RARB: variants seen among roughly 807,000 people sequenced by gnomAD.
The protein encoded by RARB is HBV-activated protein.
A neutral mutation model predicts 51.9 loss-of-function variants in RARB; 17 were observed. The ratio of observed to expected loss-of-function variants is 0.33; its 90% CI spans 0.22 to 0.49. The LOEUF is 0.49. Among genes scored for constraint, RARB ranks in the 20% least tolerant of loss-of-function variants. The probability of loss-of-function intolerance (pLI) is 0.99; values close to 1 mark genes in which losing one functional copy is unlikely to be tolerated. For missense variants in RARB, 369 were observed against 550.8 expected (o/e 0.67, Z 3.30); for synonymous variants, 215 against 195.4 (o/e 1.10, Z -0.84).
At chr3:25,003,000 A>G (rs578066157) in intron 2 of RARB, among the ~76,000 whole-genome samples, 2 of 152,238 alleles carry the variant, frequency 1.3e-5, no homozygotes, top group African/African-American at 2.4e-5. Flanking sequence ...GCCATGTAAA[A>G]TTATTTGAAG....
intron 4 of RARB, among the ~76,000 whole-genome samples, chr3:25,169,512 T>A (rs981561921): frequency 7.9e-5 from 12 of 152,200 alleles, no homozygotes; most frequent in Non-Finnish European, 1.8e-4. Flanking sequence ...AAACTATAAA[T>A]GCAGTATATC....
intron 2 of RARB, among the ~76,000 whole-genome samples, chr3:25,464,666 T>A (rs1415205494): frequency 6.6e-6 from 1 of 152,048 alleles, no homozygotes; most frequent in Non-Finnish European, 1.5e-5. Context: ...TTTAAAAAAA[T>A]TAAATATAAT....
chr3:25,331,519 T>G (rs1036601596), intron 5 of RARB, among the ~76,000 whole-genome samples: 1 of 152,174 alleles, frequency 6.6e-6, no homozygotes, highest in East Asian at 1.9e-4. Context: ...GGGACACATG[T>G]AAAGCAGTGT....
intron 3 of RARB, among the ~76,000 whole-genome samples, chr3:25,121,010 CAT>C (rs1187428931): frequency 2.0e-5 from 3 of 152,156 alleles, no homozygotes; most frequent in Non-Finnish European, 4.4e-5. Flanking sequence ...TTTAAATAAA[CAT>C]AACCCCAAAC....
intron 2 of RARB, among the ~76,000 whole-genome samples, chr3:25,009,190 A>G (rs1225428310): frequency 6.6e-6 from 1 of 152,118 alleles, no homozygotes; most frequent in Non-Finnish European, 1.5e-5. Flanking sequence ...ACCAGAAAAT[A>G]GTATCTCCCA....
intron 3 of RARB, among the ~76,000 whole-genome samples, chr3:25,568,684 A>T (rs761935770): frequency 6.6e-6 from 1 of 152,168 alleles, no homozygotes; most frequent in Non-Finnish European, 1.5e-5. Flanking sequence ...CTCAGGCCAG[A>T]TCCTCTTAGG....
chr3:25,386,543 A>T (rs996398623), intron 5 of RARB, among the ~76,000 whole-genome samples: 3 of 152,250 alleles, frequency 2.0e-5, no homozygotes, highest in African/African-American at 7.2e-5. Context: ...TGTTAAAAGC[A>T]TTCAGGCATG....
At chr3:25,320,486 C>A (rs139083083) in intron 5 of RARB, among the ~76,000 whole-genome samples, 235 of 152,284 alleles carry the variant, frequency 1.5e-3, no homozygotes, top group African/African-American at 5.5e-3. Flanking sequence ...CAATGAGAGG[C>A]CTGTCTGCCC....
At chr3:25,306,147 C>A (rs1236593379) in intron 5 of RARB, among the ~76,000 whole-genome samples, 2 of 152,102 alleles carry the variant, frequency 1.3e-5, no homozygotes, top group Non-Finnish European at 2.9e-5. Context: ...AAGTCCAGTG[C>A]CCCATTTTTG....
chr3:24,927,030 T>C (rs928031848), intron 2 of RARB, among the ~76,000 whole-genome samples: 12 of 152,136 alleles, frequency 7.9e-5, no homozygotes, highest in African/African-American at 2.9e-4. Flanking sequence ...AAGAATGGTT[T>C]CCTGTCATCT....
rs149543877 is a variant in RARB, at chr3:25,114,860, A to G, written c.-327-17301A>G. Among the ~76,000 whole-genome samples the G allele has an allele frequency of 2.7e-3, 416 of 152,304 alleles. 3 individuals carry two copies. The highest frequency in any genetic ancestry group is 0.014 in the Middle Eastern group (4 of 294). Reference sequence around the variant, plus strand: ...CTGCACTATCATTGCTCTTTATGTCATAGAGGATGATATTGTATAAAATGA... The same window carrying G: ...CTGCACTATCATTGCTCTTTATGTCGTAGAGGATGATATTGTATAAAATGA... On this transcript the variant is annotated intron_variant, in intron 3 of 11. Transcript: ENST00000383772.
intron 5 of RARB, among the ~76,000 whole-genome samples, chr3:25,288,478 T>A (rs2125420282): frequency 6.6e-6 from 1 of 152,304 alleles, no homozygotes; most frequent in East Asian, 1.9e-4. Context: ...TTCTTGGTAT[T>A]TTTGCTGCCA....
chr3:24,936,311 T>C (rs1695547557), intron 2 of RARB, among the ~76,000 whole-genome samples: 1 of 152,298 alleles, frequency 6.6e-6, no homozygotes, highest in East Asian at 1.9e-4. Context: ...AAATTTTACA[T>C]GTTAGGGCCT....
Position 25,483,751 on chromosome 3 carries a change from A to T in RARB, c.307-17431A>T, listed in dbSNP as rs187061669. Among the ~76,000 whole-genome samples, 4 of 152,312 alleles carry T rather than the reference A, an allele frequency of 2.6e-5. No homozygotes were observed. The East Asian group carries it at 7.7e-4, about 29-fold the overall frequency. ...AATGTCAGCAGCACAAACTGTGTTC[A>T]TTCTCCATGTTAGTTAATGGCTAAT... On this transcript the variant is annotated intron_variant, in intron 2 of 7. Transcript: ENST00000330688.
chr3:25,049,626 G>T (rs1461786450), intron 2 of RARB, among the ~76,000 whole-genome samples: 4 of 152,144 alleles, frequency 2.6e-5, no homozygotes, highest in Non-Finnish European at 5.9e-5. Flanking sequence ...AAAAATTAAA[G>T]CATCCTATTG....
intron 3 of RARB, among the ~76,000 whole-genome samples, chr3:25,080,801 A>G (rs1698979013): frequency 6.6e-6 from 1 of 152,126 alleles, no homozygotes; most frequent in African/African-American, 2.4e-5. Flanking sequence ...CTAGGTATTA[A>G]AGCCTTATCA....
chr3:24,872,917 C>A (rs900160420), intron 2 of RARB, among the ~76,000 whole-genome samples: 2 of 152,192 alleles, frequency 1.3e-5, no homozygotes, highest in African/African-American at 4.8e-5. Context: ...GTCCTGTTTT[C>A]ACACCAGTTA....
Position 25,494,253 on chromosome 3 carries a change from G to GCGCGCGCACTCACACACACA in RARB, c.307-6928_307-6927insGCGCGCACTCACACACACAC, listed in dbSNP as rs1553623183. ...GCCCCCTTTTCCAGCTGTATCTTACGCACACACACACACACACACACACAC... is the reference window on the plus strand; with the variant it reads ...GCCCCCTTTTCCAGCTGTATCTTACGCGCGCGCACTCACACACACACACACACACACACACACACACACAC... On this transcript the variant is annotated intron_variant, in intron 2 of 7. Coordinates refer to ENST00000330688, the MANE Select transcript of RARB (RefSeq NM_000965.5). Among the ~76,000 whole-genome samples the GCGCGCGCACTCACACACACA allele has an allele frequency of 5.3e-3, 702 of 131,958 alleles. 11 individuals are homozygous for GCGCGCGCACTCACACACACA. Among genetic ancestry groups the GCGCGCGCACTCACACACACA allele is most frequent in the African/African-American group, 0.017 (659 of 38,358 alleles). 86.6% of individuals were successfully genotyped at this position (131,958 alleles called of 152,430 possible).
At chr3:25,478,686 A>G (rs1356947230) in intron 2 of RARB, among the ~76,000 whole-genome samples, 1 of 152,196 alleles carries the variant, frequency 6.6e-6, no homozygotes, top group Admixed American at 6.5e-5. Flanking sequence ...CACAGGGAGA[A>G]AAAGAAGAAA....
Sources: allele counts gnomAD v4.1 joint callset (sites outside exome capture counted in the v4.1 genomes callset), GRCh38; gene constraint gnomAD v4.1.1; transcripts MANE v1.5; gene names NCBI Gene and HGNC (gene_info 2026-07-23, HGNC 2026-07-21).